Variants in LOC112694756 observed in about 807,000 individuals in gnomAD.
At chr16:30,064,205 G>C in the LOC112694756 span, 1 of 397,912 alleles carries the variant, frequency 2.5e-6, no homozygotes, top group Admixed American at 4.4e-5. Flanking sequence ...ACGCAGGGGT[G>C]CCTCAACCAC....
the LOC112694756 span, chr16:30,067,042 CA>C: frequency 6.3e-7 from 1 of 1,577,568 alleles, no homozygotes. Context: ...AGGAAAGGTA[CA>C]GGGGCAGGCC....
the LOC112694756 span, chr16:30,069,336 A>G: frequency 7.4e-6 from 12 of 1,613,938 alleles, no homozygotes; most frequent in Admixed American, 2.0e-4. Context: ...GGAGCCTGAG[A>G]TCCTCCCTGA....
At chr16:30,070,316 C>T in the LOC112694756 span, 2 of 1,075,754 alleles carry the variant, frequency 1.9e-6, no homozygotes, top group African/African-American at 1.6e-5. Flanking sequence ...TGCCCGCGCT[C>T]TTTCTTCCCT....
chr16:30,055,920 C>G, the LOC112694756 span, among the ~76,000 whole-genome samples: 2 of 152,126 alleles, frequency 1.3e-5, no homozygotes, highest in East Asian at 3.9e-4. Flanking sequence ...CTGCCTCAGC[C>G]TCCTGAATAG....
At chr16:30,067,013 C>G in the LOC112694756 span, 1 of 1,572,346 alleles carries the variant, frequency 6.4e-7, no homozygotes, top group Non-Finnish European at 8.6e-7. Flanking sequence ...CTGGGCAACA[C>G]CCAGCACCAG....
At chr16:30,064,003 G>A in the LOC112694756 span, 3 of 398,802 alleles carry the variant, frequency 7.5e-6, no homozygotes, top group Non-Finnish European at 1.3e-5. Flanking sequence ...CTCCCTGCAG[G>A]GCAGGACTCT....
the LOC112694756 span, chr16:30,053,492 C>T: frequency 6.5e-6 from 1 of 153,016 alleles, no homozygotes; most frequent in Non-Finnish European, 1.5e-5. Flanking sequence ...CTGCCCTTCC[C>T]CATGGACGTA....
At chr16:30,070,253 G>A in the LOC112694756 span, 1 of 1,599,576 alleles carries the variant, frequency 6.3e-7, no homozygotes, top group Non-Finnish European at 8.6e-7. Flanking sequence ...TCCAGGCCCT[G>A]CCCCCTCCCA....
the LOC112694756 span, among the ~76,000 whole-genome samples, chr16:30,056,610 G>A: frequency 3.3e-5 from 5 of 151,784 alleles, no homozygotes; most frequent in East Asian, 3.9e-4. Context: ...CCTATCCCCC[G>A]CCTTTTTTGA....
the LOC112694756 span, among the ~76,000 whole-genome samples, chr16:30,058,096 G>T: frequency 1.3e-5 from 2 of 152,152 alleles, 1 homozygote; most frequent in Admixed American, 1.3e-4. Context: ...GATGGGTGAG[G>T]TGCATTGTAA....
chr16:30,068,576 CG>C, the LOC112694756 span: 6 of 1,550,952 alleles, frequency 3.9e-6, no homozygotes, highest in South Asian at 6.7e-5. Context: ...GTACTCCAGC[CG>C]GGGCGACAGT....
the LOC112694756 span, chr16:30,069,452 ATCC>A: frequency 6.2e-7 from 1 of 1,613,820 alleles, no homozygotes; most frequent in Non-Finnish European, 8.5e-7. Context: ...GCTAACCCCT[ATCC>A]TCTCCTCCAC....
At chr16:30,069,468 C>A in the LOC112694756 span, 4 of 1,613,976 alleles carry the variant, frequency 2.5e-6, no homozygotes, top group African/African-American at 5.3e-5. Context: ...TCCTCCACCC[C>A]ACTACCCACC....
chr16:30,070,005 G>A, the LOC112694756 span: 4 of 1,613,720 alleles, frequency 2.5e-6, no homozygotes, highest in East Asian at 2.2e-5. Flanking sequence ...AGGCTGCGCA[G>A]GAGGAGTATG....
At chr16:30,061,395 G>T in the LOC112694756 span, among the ~76,000 whole-genome samples, 1 of 152,132 alleles carries the variant, frequency 6.6e-6, no homozygotes, top group Non-Finnish European at 1.5e-5. Context: ...GCTCAGTGGA[G>T]AATATGGGAT....
the LOC112694756 span, among the ~76,000 whole-genome samples, chr16:30,060,823 C>G: frequency 6.6e-6 from 1 of 152,178 alleles, no homozygotes; most frequent in African/African-American, 2.4e-5. Context: ...CATGACGGTT[C>G]TAGCCTCCCC....
the LOC112694756 span, among the ~76,000 whole-genome samples, chr16:30,061,074 A>G: frequency 6.6e-6 from 1 of 152,232 alleles, no homozygotes; most frequent in Non-Finnish European, 1.5e-5. Context: ...CAAGGAGCCA[A>G]TCTTCTGTCA....
chr16:30,065,955 C>G, the LOC112694756 span: 226 of 153,172 alleles, frequency 1.5e-3, no homozygotes, highest in Non-Finnish European at 2.5e-3. Context: ...CGTGCGGGGA[C>G]CAGGGACCGT....
the LOC112694756 span, among the ~76,000 whole-genome samples, chr16:30,062,669 C>T: frequency 6.6e-6 from 1 of 151,444 alleles, no homozygotes; most frequent in Non-Finnish European, 1.5e-5. Context: ...TAGCGAAACC[C>T]TGTCTCTACT....
Sources: allele counts gnomAD v4.1 joint callset (sites outside exome capture counted in the v4.1 genomes callset), GRCh38; gene constraint gnomAD v4.1.1; transcripts MANE v1.5.